Variants in CFDP1 observed in about 807,000 individuals in gnomAD.
CFDP1 encodes chromatin remodeling protein CFDP1.
In CFDP1, 31 loss-of-function variants were observed where a neutral mutation model predicts 40.1. The ratio of observed to expected loss-of-function variants is 0.77; its 90% confidence interval spans 0.58 to 1.04. The LOEUF is 1.04. Ranked by LOEUF, CFDP1 falls within the 50% of genes least tolerant of loss-of-function variation. The probability of loss-of-function intolerance (pLI) is 0.00; values close to 1 mark genes in which losing one functional copy is unlikely to be tolerated. For synonymous variants in CFDP1, 167 were observed against 120.0 expected (o/e 1.39, Z -2.56); for missense variants, 423 against 343.4 (o/e 1.23, Z -1.83).
At chr16:75,428,136 T>G (rs894640136) in intron 1 of CFDP1, among the ~76,000 whole-genome samples, 55 of 152,154 alleles carry the variant, frequency 3.6e-4, no homozygotes, top group African/African-American at 1.1e-3. Flanking sequence ...AATTTGTTTT[T>G]TTTTTTTTTT....
At chr16:75,418,149 G>T (rs1299008494) in intron 1 of CFDP1, among the ~76,000 whole-genome samples, 2 of 150,786 alleles carry the variant, frequency 1.3e-5, no homozygotes, top group Non-Finnish European at 3.0e-5. Context: ...GCTACTCAGG[G>T]AGCTGAGGCA....
At chr16:75,340,533 G>A (rs2078519689) in intron 5 of CFDP1, among the ~76,000 whole-genome samples, 1 of 152,062 alleles carries the variant, frequency 6.6e-6, no homozygotes, top group African/African-American at 2.4e-5. Flanking sequence ...AGAGTGAGTA[G>A]GAAAATTCTT....
chr16:75,334,257 T>G (rs2151516743), intron 5 of CFDP1, among the ~76,000 whole-genome samples: 1 of 151,614 alleles, frequency 6.6e-6, no homozygotes, highest in South Asian at 2.1e-4. Flanking sequence ...AAGCAAACGT[T>G]TGCTTCTTTT....
At chr16:75,325,737 G>A (rs2078396605) in intron 5 of CFDP1, among the ~76,000 whole-genome samples, 1 of 152,342 alleles carries the variant, frequency 6.6e-6, no homozygotes, top group Admixed American at 6.5e-5. Flanking sequence ...CCATATCAAT[G>A]TCATACATTA....
chr16:75,349,676 A>T (rs1459073439), intron 5 of CFDP1, among the ~76,000 whole-genome samples: 1,004 of 5,804 alleles, frequency 0.17, 55 homozygotes, highest in Non-Finnish European at 0.21. Context: ...AAAAAAAAAA[A>T]AAAAAAAAAA....
chr16:75,381,597 G>C (rs952015001), intron 5 of CFDP1, among the ~76,000 whole-genome samples: 1 of 152,188 alleles, frequency 6.6e-6, no homozygotes, highest in African/African-American at 2.4e-5. Flanking sequence ...GAGAACACTA[G>C]ACTGGAAAGA....
chr16:75,410,766 G>A (rs777267825), intron 4 of CFDP1, among the ~76,000 whole-genome samples: 22 of 151,694 alleles, frequency 1.5e-4, no homozygotes, highest in Non-Finnish European at 2.5e-4. Flanking sequence ...AAAATTAGCC[G>A]GGCATGGTGG....
chr16:75,409,539 G>A (rs1338122185), intron 4 of CFDP1: 2 of 152,072 alleles, frequency 1.3e-5, no homozygotes, highest in Non-Finnish European at 2.9e-5. Context: ...GAAAAGTACT[G>A]GTCTGCTATA....
intron 3 of CFDP1, 35 bp downstream of exon 3, chr16:75,412,500 G>T (rs2079171573): frequency 6.7e-7 from 1 of 1,490,116 alleles, no homozygotes; most frequent in East Asian, 2.3e-5. Context: ...GGGTATTTCT[G>T]GAGAGGCATT....
chr16:75,405,210 A>G (rs957068137), intron 4 of CFDP1, among the ~76,000 whole-genome samples: 3 of 152,242 alleles, frequency 2.0e-5, no homozygotes, highest in African/African-American at 7.2e-5. Flanking sequence ...AGGACATTAC[A>G]ATGTGTGTGA....
chr16:75,427,343 T>TG (rs1437006287), intron 1 of CFDP1, among the ~76,000 whole-genome samples: 1 of 151,866 alleles, frequency 6.6e-6, no homozygotes, highest in African/African-American at 2.4e-5. Context: ...CTCCACCTCC[T>TG]GGGTTCAAGC....
intron 1 of CFDP1, among the ~76,000 whole-genome samples, chr16:75,432,154 C>A (rs2079427645): frequency 6.6e-6 from 1 of 150,868 alleles, no homozygotes; most frequent in African/African-American, 2.4e-5. Context: ...TTGTGATCCA[C>A]CCACCTCAGC....
chr16:75,403,030 CTTTGT>C (rs1432116013), intron 4 of CFDP1, among the ~76,000 whole-genome samples: 5 of 152,004 alleles, frequency 3.3e-5, no homozygotes, highest in South Asian at 2.1e-4. Flanking sequence ...ATACTCATTT[CTTTGT>C]TTTGTTTTTT....
chr16:75,393,501 G>A (rs912152292), intron 5 of CFDP1, among the ~76,000 whole-genome samples: 9 of 151,752 alleles, frequency 5.9e-5, no homozygotes, highest in East Asian at 1.9e-4. Flanking sequence ...ATGTGGGGCC[G>A]GGGGTGGATC....
chr16:75,377,847 C>T (rs1456536468), intron 5 of CFDP1, among the ~76,000 whole-genome samples: 1 of 152,232 alleles, frequency 6.6e-6, no homozygotes, highest in Admixed American at 6.5e-5. Context: ...AATAGAATTT[C>T]ATGCTGAGTG....
At chr16:75,410,971 C>T (rs1282997280) in intron 4 of CFDP1, among the ~76,000 whole-genome samples, 1 of 150,164 alleles carries the variant, frequency 6.7e-6, no homozygotes, top group Non-Finnish European at 1.5e-5. Context: ...GTAATCCTAG[C>T]ACTTTGGGAG....
intron 1 of CFDP1, among the ~76,000 whole-genome samples, chr16:75,426,776 C>T (rs1448090039): frequency 2.0e-5 from 3 of 151,984 alleles, no homozygotes; most frequent in African/African-American, 7.3e-5. Context: ...ACAAAGGAGC[C>T]GGGGGTGGTG....
At chr16:75,342,578 A>AC (rs2078534285) in intron 5 of CFDP1, among the ~76,000 whole-genome samples, 1 of 152,210 alleles carries the variant, frequency 6.6e-6, no homozygotes, top group Admixed American at 6.5e-5. Context: ...ATGCAGAGTT[A>AC]GAGTTCTGCC....
chr16:75,389,874 C>A (rs1431813088), intron 5 of CFDP1, among the ~76,000 whole-genome samples: 2 of 152,210 alleles, frequency 1.3e-5, no homozygotes, highest in East Asian at 3.8e-4. Context: ...TTTTCCCAAG[C>A]ACAATTGTAA....
Sources: gnomAD v4.1 joint callset for allele counts (sites outside exome capture counted in the v4.1 genomes callset) on GRCh38, gnomAD v4.1.1 for gene constraint, MANE v1.5 for transcripts, NCBI Gene and HGNC (gene_info 2026-07-23, HGNC 2026-07-21) for gene names.